Variants in CSNK2B observed in about 807,000 individuals in gnomAD.
CSNK2B encodes the protein casein kinase 2 beta.
A neutral mutation model predicts 28.8 loss-of-function variants in CSNK2B; 2 were observed. That is an observed-to-expected ratio of 0.07 (90% confidence interval 0.03 to 0.22). CSNK2B has a LOEUF of 0.22. Ranked by LOEUF, CSNK2B falls within the 10% of genes least tolerant of loss-of-function variation. CSNK2B has a pLI of 1.00. For missense variants in CSNK2B, 107 were observed against 277.9 expected (o/e 0.39, Z 4.37); for synonymous variants, 89 against 96.1 (o/e 0.93, Z 0.43).
At chr6:31,668,498 C>T in intron 3 of CSNK2B, 41 bp from the exon 4 acceptor site, 1 of 1,579,178 alleles carries the variant, frequency 6.3e-7, no homozygotes, top group South Asian at 1.1e-5. Context: ...CCTAGGAAAG[C>T]TGAAAAACAA....
intron 4 of CSNK2B, 43 bp downstream of exon 4, chr6:31,668,697 G>C (rs1457279895): frequency 6.5e-7 from 1 of 1,542,728 alleles, no homozygotes; most frequent in Non-Finnish European, 9.0e-7. Flanking sequence ...TGAGCAGTAA[G>C]AGACACAGGT....
chr6:31,666,157 C>G lies in CSNK2B; in HGVS notation c.-63C>G. On this transcript the variant is annotated 5_prime_UTR_variant, in exon 1 of 7. Coordinates refer to ENST00000375882, the MANE Select transcript of CSNK2B (RefSeq NM_001320.7). Reference sequence around the variant, plus strand: ...GCGCTGTAGCGGTCGCCGCCGTTCCCTGGAAGTAGCAACTTCCCTACCCCA... The same window carrying G: ...GCGCTGTAGCGGTCGCCGCCGTTCCGTGGAAGTAGCAACTTCCCTACCCCA... 2 of 990,674 alleles carry G rather than the reference C, an allele frequency of 2.0e-6. No homozygotes were observed. The highest frequency in any genetic ancestry group is 2.4e-6 in the Non-Finnish European group (2 of 832,432). The allele number at this position is 990,674 out of a possible 1,614,324, so 61.4% of individuals were successfully genotyped here.
In CSNK2B at chr6:31,669,949, A is replaced by G. The variant is rs769357140; in HGVS notation, c.*23A>G. The G allele has an allele frequency of 6.3e-7, 1 of 1,598,828 alleles. No homozygotes were observed. ...TGATTCCCTCCCCCACCTGTCCTGC[A>G]GTCTTTGACTTTTCCTTTCTTTTTT... On this transcript the variant is annotated 3_prime_UTR_variant, in exon 7 of 7. Coordinates refer to ENST00000375882, the MANE Select transcript of CSNK2B (RefSeq NM_001320.7). This position sits in a 1 kb window ranked among gnomAD's most constrained non-coding sequence, Gnocchi z 4.8.
At position 31,669,619 on chromosome 6, in the gene CSNK2B, C is replaced by T. The variant is rs1284309855; in HGVS notation, c.557+111C>T. On this transcript the variant is annotated intron_variant, in intron 6 of 6. Coordinates refer to ENST00000375882, the MANE Select transcript of CSNK2B (RefSeq NM_001320.7). The surrounding 1 kb of genome is among the most constrained non-coding windows in gnomAD (Gnocchi z 4.8). ...AGGTCTGCTTCTCCCAGAATCAGGG[C>T]ATCTCCCTGCTGAGTGACTGTGGGA... 4 of 1,218,760 alleles carry T rather than the reference C, an allele frequency of 3.3e-6. No homozygotes were observed. The highest frequency in any genetic ancestry group is 1.5e-5 in the African/African-American group (1 of 66,188). The allele number at this position is 1,218,760 out of a possible 1,614,324, so 75.5% of individuals were successfully genotyped here.
At chr6:31,668,343 A>C in intron 3 of CSNK2B, 196 bp from the exon 4 acceptor site, 1 of 606,302 alleles carries the variant, frequency 1.6e-6, no homozygotes, top group South Asian at 2.0e-5. Context: ...AAAGGTGTGA[A>C]GGGAAGGCAG....
intron 3 of CSNK2B, 103 bp downstream of exon 3, chr6:31,668,073 T>A (rs1195065077): frequency 1.3e-6 from 1 of 798,270 alleles, no homozygotes; most frequent in Non-Finnish European, 2.2e-6. Context: ...GGTTCTCTGA[T>A]TTCTTTAACC....
In CSNK2B at chr6:31,669,571, G is replaced by T. The variant is rs1036365410; in HGVS notation, c.557+63G>T. 75 of 1,540,844 alleles carry T rather than the reference G, an allele frequency of 4.9e-5. No homozygotes were observed. The highest frequency in any genetic ancestry group is 5.7e-5 in the Non-Finnish European group (65 of 1,140,482). On this transcript the variant is annotated intron_variant, in intron 6 of 6. Coordinates refer to ENST00000375882, the MANE Select transcript of CSNK2B (RefSeq NM_001320.7). The surrounding 1 kb of genome is among the most constrained non-coding windows in gnomAD (Gnocchi z 4.8). The stretch of plus-strand genomic sequence containing the variant: ...GGCCCAAGATCCCCCAGAGAGGGGA[G>T]GACAGGGCATGGCCCTTTCTTGAGG...
chr6:31,666,245 C>A, intron 1 of CSNK2B, 37 bp downstream of exon 1: 2 of 956,326 alleles, frequency 2.1e-6, no homozygotes, highest in Non-Finnish European at 2.5e-6. Flanking sequence ...AGTCCCTTGT[C>A]GCTGGGAGCG....
Position 31,668,528 on chromosome 6 carries a change from C to A in CSNK2B, c.176-11C>A. The stretch of plus-strand genomic sequence containing the variant: ...AAACAAGTAGTTGCATTTGGCCGGG[C>A]TGTGTTTCAGATGAAGAACTGGAAG... On this transcript the variant is annotated splice_polypyrimidine_tract_variant and intron_variant, in intron 3 of 6. Coordinates refer to ENST00000375882, the MANE Select transcript of CSNK2B (RefSeq NM_001320.7). The A allele has an allele frequency of 1.2e-6, 2 of 1,610,732 alleles. No individual in the cohort carries two copies. Among genetic ancestry groups the A allele is most frequent in the African/African-American group, 1.3e-5 (1 of 74,980 alleles).
Position 31,669,273 on chromosome 6 carries a change from T to C in CSNK2B, c.368-46T>C, listed in dbSNP as rs1174475906. Reference sequence around the variant, plus strand: ...GCCTGAGTCCTGAGGGGAGGTTAGGTAGGAATAGGGGGATACCTGGCCTGC... The same window carrying C: ...GCCTGAGTCCTGAGGGGAGGTTAGGCAGGAATAGGGGGATACCTGGCCTGC... On this transcript the variant is annotated intron_variant, in intron 5 of 6. Coordinates refer to ENST00000375882, the MANE Select transcript of CSNK2B (RefSeq NM_001320.7). This position sits in a 1 kb window ranked among gnomAD's most constrained non-coding sequence, Gnocchi z 4.8. 3 of 1,602,020 alleles carry C rather than the reference T, an allele frequency of 1.9e-6. No individual in the cohort carries two copies.
At chr6:31,667,380 C>T in intron 2 of CSNK2B, 2 of 358,024 alleles carry the variant, frequency 5.6e-6, no homozygotes, top group South Asian at 4.3e-5. Context: ...GATCTGCCTG[C>T]CTCGGCCTCC....
intron 2 of CSNK2B, 37 bp downstream of exon 2, chr6:31,666,940 C>G (rs1562045680): frequency 6.7e-7 from 1 of 1,485,368 alleles, no homozygotes; most frequent in Non-Finnish European, 9.4e-7. Context: ...GCCAGCTTCA[C>G]ATATCTTCCC....
chr6:31,666,315 C>T, intron 1 of CSNK2B, 107 bp downstream of exon 1: 2 of 457,566 alleles, frequency 4.4e-6, no homozygotes, highest in Non-Finnish European at 2.9e-6. Flanking sequence ...AGGTCCGGCA[C>T]GAAGGAGGGA....
chr6:31,669,655 AT>A lies in CSNK2B; in HGVS notation c.557+149del. The stretch of plus-strand genomic sequence containing the variant: ...TGAGTGACTGTGGGAAAGTTATTTG[AT>A]TATCTGTGCTTGAGTTACCTTATTG... On this transcript the variant is annotated intron_variant, in intron 6 of 6. Transcript: ENST00000375882. The surrounding 1 kb of genome is among the most constrained non-coding windows in gnomAD (Gnocchi z 4.8). 9.2e-7 allele frequency: 1 copy of A among 1,091,388 alleles called. No individual in the cohort carries two copies. Among genetic ancestry groups the A allele is most frequent in the South Asian group, 1.5e-5 (1 of 65,776 alleles). 67.6% of individuals were successfully genotyped at this position (1,091,388 alleles called of 1,614,324 possible). A position where few individuals can be genotyped will look rare whatever the true frequency, so the allele number is the denominator to read the frequency against.
chr6:31,667,826 G>C (rs1363818453), intron 2 of CSNK2B, 42 bp from the exon 3 acceptor site: 1 of 1,220,996 alleles, frequency 8.2e-7, no homozygotes, highest in Non-Finnish European at 1.1e-6. Flanking sequence ...CAAAGATGAG[G>C]ATTTTGATAT....
chr6:31,666,469 C>T (rs1013707839), intron 1 of CSNK2B: 13 of 313,326 alleles, frequency 4.1e-5, no homozygotes, highest in Admixed American at 4.7e-5. Context: ...GCGTGGGGGT[C>T]ATGCAGAGAC....
At chr6:31,668,992 C>A in intron 4 of CSNK2B, 105 bp from the exon 5 acceptor site, 1 of 820,584 alleles carries the variant, frequency 1.2e-6, no homozygotes, top group Non-Finnish European at 2.1e-6. Flanking sequence ...GGCCTCTGGA[C>A]AGAGGTGGGA....
At chr6:31,667,505 C>T (rs1240015988) in intron 2 of CSNK2B, among the ~76,000 whole-genome samples, 2 of 152,220 alleles carry the variant, frequency 1.3e-5, no homozygotes, top group African/African-American at 4.8e-5. Context: ...AAATGCTACA[C>T]ATTGAAATGT....
chr6:31,669,854 C>T lies in CSNK2B; in HGVS notation c.576C>T (p.Ile192=), dbSNP rs1470152200. ...QFVPRLYGFK[I]HPMAYQLQLQ... ...GGCCTAGGCTCTACGGTTTCAAGAT[C>T]CATCCGATGGCCTACCAGCTGCAGC... Residue 192 remains isoleucine (I), a synonymous_variant, in exon 7 of 7, where the codon ATC becomes ATT. Coordinates refer to ENST00000375882, the MANE Select transcript of CSNK2B (RefSeq NM_001320.7). This position sits in a 1 kb window ranked among gnomAD's most constrained non-coding sequence, Gnocchi z 4.8. 1.2e-6 allele frequency: 2 copies of T among 1,612,844 alleles called. No homozygotes were observed. Among genetic ancestry groups the T allele is most frequent in the Non-Finnish European group, 8.5e-7 (1 of 1,180,018 alleles).
Sources: allele counts gnomAD v4.1 joint callset (sites outside exome capture counted in the v4.1 genomes callset), GRCh38; gene constraint gnomAD v4.1.1; non-coding constraint Gnocchi (gnomAD v3.1); transcripts MANE v1.5; gene names NCBI Gene and HGNC (gene_info 2026-07-23, HGNC 2026-07-21).